Variants in DPP10 observed in about 807,000 individuals in gnomAD.
The protein encoded by DPP10 is inactive dipeptidyl peptidase 10.
In DPP10, 33 loss-of-function variants were observed where a neutral mutation model predicts 120.9. That is an observed-to-expected ratio of 0.27 (90% confidence interval 0.21 to 0.37). DPP10 has a LOEUF of 0.37. Ranked by LOEUF, DPP10 falls within the 10% of genes least tolerant of loss-of-function variation. The probability of loss-of-function intolerance (pLI) is 1.00; values close to 1 mark genes in which losing one functional copy is unlikely to be tolerated. For synonymous variants in DPP10, 337 were observed against 326.1 expected, an observed-to-expected ratio of 1.03 and a Z score of -0.36; for missense variants, 816 against 942.8, an observed-to-expected ratio of 0.87 and a Z score of 1.76.
At chr2:115,791,471 A>G in intron 19 of DPP10, 115 bp downstream of exon 19, 1 of 865,104 alleles carries the variant, frequency 1.2e-6, no homozygotes, top group Non-Finnish European at 1.7e-6. Context: ...GTAGTTAATC[A>G]GGACAGCTGT....
At chr2:115,712,487 C>A (rs1380835073) in intron 7 of DPP10, among the ~76,000 whole-genome samples, 1 of 130,054 alleles carries the variant, frequency 7.7e-6, no homozygotes, top group African/African-American at 2.9e-5. Flanking sequence ...AATATAGTAT[C>A]CTAGTTCTCA....
At chr2:114,723,582 T>A (rs141146850) in intron 1 of DPP10, among the ~76,000 whole-genome samples, 51 of 152,310 alleles carry the variant, frequency 3.3e-4, no homozygotes, top group Non-Finnish European at 6.0e-4. Context: ...TTAAAGCACA[T>A]CAATCTATTT....
In DPP10 at chr2:115,627,617, A is replaced by G. The variant is rs540491739; in HGVS notation, c.442-62070A>G. ...TGTGCTATGGTGGTTTGCTGCACCT[A>G]TCAACCTATCACATAGGTATTAAGT... On this transcript the variant is annotated intron_variant, in intron 5 of 25. Transcript: ENST00000410059. 8.5e-5 allele frequency among the ~76,000 whole-genome samples: 13 copies of G among 152,280 alleles called. No homozygotes were observed. The East Asian group carries it at 1.5e-3, about 18-fold the overall frequency.
chr2:115,754,458 G>A (rs1478752742), intron 11 of DPP10, among the ~76,000 whole-genome samples: 1 of 152,102 alleles, frequency 6.6e-6, no homozygotes, highest in Non-Finnish European at 1.5e-5. Flanking sequence ...CAACAATAGT[G>A]AAGAGATCTC....
chr2:114,928,851 C>T (rs1386640097), intron 1 of DPP10, among the ~76,000 whole-genome samples: 2 of 152,324 alleles, frequency 1.3e-5, no homozygotes, highest in South Asian at 2.1e-4. Context: ...AGGCTTCCTG[C>T]TTACACACCC....
intron 1 of DPP10, among the ~76,000 whole-genome samples, chr2:115,016,104 AC>A (rs1702614284): frequency 6.6e-6 from 1 of 152,208 alleles, no homozygotes; most frequent in South Asian, 2.1e-4. Flanking sequence ...AAACTATACT[AC>A]AAGGCTAAAG....
chr2:115,310,648 C>T (rs138877626), intron 2 of DPP10, among the ~76,000 whole-genome samples: 75 of 152,200 alleles, frequency 4.9e-4, no homozygotes, highest in African/African-American at 1.7e-3. Flanking sequence ...TCTTAACTGC[C>T]TCATTTGTAC....
At chr2:114,884,843 T>C (rs190487257) in intron 1 of DPP10, among the ~76,000 whole-genome samples, 2 of 152,308 alleles carry the variant, frequency 1.3e-5, no homozygotes, top group Admixed American at 1.3e-4. Flanking sequence ...GTTACTTCAC[T>C]TCAAATAACG....
chr2:115,757,160 A>G (rs1679517856), intron 11 of DPP10, among the ~76,000 whole-genome samples: 1 of 152,074 alleles, frequency 6.6e-6, no homozygotes, highest in African/African-American at 2.4e-5. Flanking sequence ...TAGAAAGTGA[A>G]GAAGAAAGAG....
intron 5 of DPP10, among the ~76,000 whole-genome samples, chr2:115,673,184 A>G (rs1446970264): frequency 2.6e-5 from 4 of 152,192 alleles, no homozygotes; most frequent in Non-Finnish European, 4.4e-5. Context: ...CATTAATGAT[A>G]TAGTTTGGGA....
intron 1 of DPP10, among the ~76,000 whole-genome samples, chr2:114,687,814 G>T (rs1007944751): frequency 6.6e-6 from 1 of 151,954 alleles, no homozygotes; most frequent in Non-Finnish European, 1.5e-5. Context: ...GCATAGACTC[G>T]AGTTCAGGTA....
chr2:115,520,175 G>A (rs897625867), intron 4 of DPP10, among the ~76,000 whole-genome samples: 9 of 152,000 alleles, frequency 5.9e-5, no homozygotes, highest in Admixed American at 3.3e-4. Context: ...AAAATTAGCC[G>A]GGCGTGGTGG....
intron 3 of DPP10, among the ~76,000 whole-genome samples, chr2:115,387,908 GA>G (rs954341790): frequency 6.6e-5 from 10 of 152,076 alleles, no homozygotes; most frequent in Admixed American, 5.2e-4. Flanking sequence ...TGTAAACAGA[GA>G]AAAAAAAGTA....
At chr2:115,501,512 A>C (rs2076683980) in intron 4 of DPP10, among the ~76,000 whole-genome samples, 1 of 152,002 alleles carries the variant, frequency 6.6e-6, no homozygotes, top group Non-Finnish European at 1.5e-5. Context: ...ATTAGCCGTG[A>C]CTCTTAATTA....
chr2:114,787,892 T>C lies in DPP10; in HGVS notation c.60+345054T>C, dbSNP rs563255486. ...TTACCTTCTTGCTATAATAGTTTAA[T>C]TGAGTATAGGATACAAAGCTAATTT... On this transcript the variant is annotated intron_variant, in intron 1 of 25. Transcript: ENST00000410059. 5.9e-5 allele frequency among the ~76,000 whole-genome samples: 9 copies of C among 152,354 alleles called. 1 individual carries two copies. The highest frequency in any genetic ancestry group is 1.4e-4 in the African/African-American group (6 of 41,584).
At chr2:114,988,363 C>A (rs1700554239) in intron 1 of DPP10, among the ~76,000 whole-genome samples, 1 of 152,208 alleles carries the variant, frequency 6.6e-6, no homozygotes, top group South Asian at 2.1e-4. Flanking sequence ...ATCTCTGTCA[C>A]TTTACTAAAA....
At chr2:114,728,258 T>A (rs1371072255) in intron 1 of DPP10, among the ~76,000 whole-genome samples, 4 of 152,164 alleles carry the variant, frequency 2.6e-5, no homozygotes, top group Admixed American at 2.6e-4. Context: ...AGAAGATGCA[T>A]ACAATCAGCA....
chr2:115,547,442 G>A (rs563672420), intron 5 of DPP10, among the ~76,000 whole-genome samples: 2 of 152,140 alleles, frequency 1.3e-5, no homozygotes, highest in South Asian at 2.1e-4. Context: ...CAATTTTAAA[G>A]TTTGTTTCAT....
chr2:114,961,147 G>A (rs546832427), intron 1 of DPP10, among the ~76,000 whole-genome samples: 1 of 139,186 alleles, frequency 7.2e-6, no homozygotes, highest in East Asian at 2.3e-4. Flanking sequence ...CACCTCCCGG[G>A]TTCAAGCAGC....
Sources: gnomAD v4.1 joint callset for allele counts (sites outside exome capture counted in the v4.1 genomes callset) on GRCh38, gnomAD v4.1.1 for gene constraint, MANE v1.5 for transcripts, NCBI Gene and HGNC (gene_info 2026-07-23, HGNC 2026-07-21) for gene names.